Variants in OSR2 observed in about 807,000 individuals in gnomAD.
OSR2 encodes the protein protein odd-skipped-related 2.
Under a neutral mutation model 22.3 loss-of-function variants are expected in OSR2, and 8 were observed. That is an observed-to-expected ratio of 0.36 (90% CI 0.21 to 0.65). OSR2 has a LOEUF of 0.65. Among genes scored for constraint, OSR2 ranks in the 30% least tolerant of loss-of-function variants. The probability of loss-of-function intolerance (pLI) is 0.66; values close to 1 mark genes in which losing one functional copy is unlikely to be tolerated. For synonymous variants in OSR2, 179 were observed against 173.8 expected (o/e 1.03, Z -0.23); for missense variants, 311 against 413.4 (o/e 0.75, Z 2.15).
Position 98,949,040 on chromosome 8 carries a change from T to C in OSR2, c.88T>C (p.Phe30Leu). The C allele has an allele frequency of 6.2e-7, 1 of 1,613,912 alleles. No individual in the cohort carries two copies. Among genetic ancestry groups the C allele is most frequent in the Non-Finnish European group, 8.5e-7 (1 of 1,179,866 alleles). ...CTCCTTCCTGCAGGCCGTGAACACC[T>C]TCCCGGCCACGGTGGACCACCTGCA... ...NYSFLQAVNT[F>L]PATVDHLQGL... Residue 30 changes from phenylalanine to leucine, a missense_variant, in exon 2 of 4, where the codon TTC (phenylalanine) becomes CTC (leucine). Phe to Leu is a conservative substitution (Grantham distance 22). This residue lies in a region of OSR2 where 146 missense variants were observed against 160.5 expected (regional missense o/e 0.91). Transcript: ENST00000297565. The surrounding 1 kb of genome is among the most constrained non-coding windows in gnomAD (Gnocchi z 5.9).
At chr8:98,950,564 G>T (rs1840754039) in intron 2 of OSR2, 92 bp from the exon 3 acceptor site, 2 of 761,050 alleles carry the variant, frequency 2.6e-6, no homozygotes, top group African/African-American at 1.8e-5. Flanking sequence ...TGTTTCTTTT[G>T]TTCTTCCACG....
In OSR2 at chr8:98,949,186, C is replaced by T. The variant is rs762662218; in HGVS notation, c.234C>T (p.Leu78=). The change falls in exon 2 of 4, where the codon CTC becomes CTT. Residue 78 remains leucine, a synonymous_variant. Coordinates refer to ENST00000297565, the MANE Select transcript of OSR2 (RefSeq NM_001142462.3). The surrounding 1 kb of genome is among the most constrained non-coding windows in gnomAD (Gnocchi z 5.9). ...CGGAGATGGCGGCGGCGCAGGGCCT[C>T]GTGGACGCGCGCTTCCCCTTCCCGG... ...TITEMAAAQG[L]VDARFPFPAL... is the part of the protein sequence containing the mutation. 3 of 1,594,550 alleles carry T rather than the reference C, an allele frequency of 1.9e-6. No homozygotes were observed. The highest frequency in any genetic ancestry group is 1.7e-6 in the Non-Finnish European group (2 of 1,169,958).
rs1840793367 is a variant in OSR2 at position 98,951,840 on chromosome 8, G to T, written c.*139G>T. ...GCTGCAGCCGCACCTGCAGCTCCAGGGAGTTAACTCTTCTTCTGGGGGACT... is the reference window on the plus strand; with the variant it reads ...GCTGCAGCCGCACCTGCAGCTCCAGTGAGTTAACTCTTCTTCTGGGGGACT... On this transcript the variant is annotated 3_prime_UTR_variant, in exon 4 of 4. Transcript: ENST00000297565. 3.8e-6 allele frequency: 3 copies of T among 780,410 alleles called. No individual in the cohort carries two copies. In the East Asian group the frequency reaches 8.1e-5, roughly 21 times the overall value. The allele number at this position is 780,410 out of a possible 1,614,324, so 48.3% of individuals were successfully genotyped here. A position where few individuals can be genotyped will look rare whatever the true frequency, so the allele number is the denominator to read the frequency against.
chr8:98,947,223 G>C (rs1587888085), intron 1 of OSR2, among the ~76,000 whole-genome samples: 2 of 151,710 alleles, frequency 1.3e-5, no homozygotes, highest in Non-Finnish European at 2.9e-5. Flanking sequence ...AAGCAGAAGC[G>C]ATTCGTTAAT....
At chr8:98,950,628 T>C (rs1840755729) in intron 2 of OSR2, 28 bp from the exon 3 acceptor site, 2 of 1,482,816 alleles carry the variant, frequency 1.3e-6, no homozygotes, top group Non-Finnish European at 9.3e-7. Flanking sequence ...GCAAAGTTAT[T>C]TCAATGAAAC....
chr8:98,946,767 C>T (rs892788964), intron 1 of OSR2, among the ~76,000 whole-genome samples: 4 of 152,250 alleles, frequency 2.6e-5, no homozygotes, highest in African/African-American at 4.8e-5. Flanking sequence ...GCCCGCTCCC[C>T]CCTCCCCAAC....
chr8:98,948,276 G>C lies in OSR2; in HGVS notation c.-114-563G>C. 6.6e-7 allele frequency: 1 copy of C among 1,515,944 alleles called. No individual in the cohort carries two copies. The highest frequency in any genetic ancestry group is 8.8e-7 in the Non-Finnish European group (1 of 1,135,056). 93.9% of individuals were successfully genotyped at this position (1,515,944 alleles called of 1,614,324 possible). A position where few individuals can be genotyped will look rare whatever the true frequency, so the allele number is the denominator to read the frequency against. On this transcript the variant is annotated intron_variant, in intron 1 of 3. Coordinates refer to ENST00000297565, the MANE Select transcript of OSR2 (RefSeq NM_001142462.3). The surrounding 1 kb of genome is among the most constrained non-coding windows in gnomAD (Gnocchi z 6.0). ...CTGGCCCAGGAGGATGAAGCGCGCC[G>C]GCTTCGCTCTTGCACGCCGGCTTGC...
chr8:98,951,467 G>T, intron 3 of OSR2, 52 bp from the exon 4 acceptor site: 1 of 1,487,382 alleles, frequency 6.7e-7, no homozygotes, highest in Non-Finnish European at 9.1e-7. Context: ...ATTGAAAAGG[G>T]TGCAGTGGTG....
rs1587889391 is a variant in OSR2 at position 98,948,325 on chromosome 8, C to T, written c.-114-514C>T. The T allele has an allele frequency of 1.3e-6, 2 of 1,523,724 alleles. No homozygotes were observed. The highest frequency in any genetic ancestry group is 2.5e-5 in the East Asian group (1 of 40,274). 94.4% of individuals were successfully genotyped at this position (1,523,724 alleles called of 1,614,324 possible). On this transcript the variant is annotated intron_variant, in intron 1 of 3. Transcript: ENST00000297565. The surrounding 1 kb of genome is among the most constrained non-coding windows in gnomAD (Gnocchi z 6.0). ...GCCATCCGGGTAAGCGCGGGAAAGG[C>T]GGCCACAGGGCGCGGCGGCAGCGCA...
rs1360815697 is a variant in OSR2 at position 98,948,219 on chromosome 8, TGCGGGGCGAGGTGA to T, written c.-114-617_-114-604del. The T allele has an allele frequency of 6.9e-7, 1 of 1,459,432 alleles. No individual in the cohort carries two copies. Among genetic ancestry groups the T allele is most frequent in the Admixed American group, 2.6e-5 (1 of 38,998 alleles). 90.4% of individuals were successfully genotyped at this position (1,459,432 alleles called of 1,614,324 possible). A position where few individuals can be genotyped will look rare whatever the true frequency, so the allele number is the denominator to read the frequency against. Reference sequence around the variant, plus strand: ...GGAAAAAGAAAACCTCCGAGGTCAGTGCGGGGCGAGGTGAGCCCCTCCCAGGGCCCTCTGGCCCA... The same window carrying T: ...GGAAAAAGAAAACCTCCGAGGTCAGTGCCCCTCCCAGGGCCCTCTGGCCCA... On this transcript the variant is annotated intron_variant, in intron 1 of 3. Coordinates refer to ENST00000297565, the MANE Select transcript of OSR2 (RefSeq NM_001142462.3). This position sits in a 1 kb window ranked among gnomAD's most constrained non-coding sequence, Gnocchi z 6.0.
At chr8:98,951,429 C>A in intron 3 of OSR2, 90 bp from the exon 4 acceptor site, 2 of 1,238,740 alleles carry the variant, frequency 1.6e-6, no homozygotes. Context: ...GTTATGTTAA[C>A]GCTTGTGATA....
chr8:98,949,275 C>G lies in OSR2; in HGVS notation c.323C>G (p.Ala108Gly), dbSNP rs777273417. 6.2e-7 allele frequency: 1 copy of G among 1,612,816 alleles called. No individual in the cohort carries two copies. The highest frequency in any genetic ancestry group is 1.7e-5 in the Admixed American group (1 of 59,922). Residue 108 changes from alanine (A) to glycine (G), a missense_variant, in exon 2 of 4, where the codon GCC becomes GGC. Physicochemically the swap from Ala to Gly is moderately conservative, Grantham distance 60. Transcript: ENST00000297565. The surrounding 1 kb of genome is among the most constrained non-coding windows in gnomAD (Gnocchi z 5.9). ...KQGAIAHVLP[A>G]LHKDRPRFDF... ...GGGGCCATTGCCCACGTCCTCCCAG[C>G]CCTGCACAAGGACCGGCCCCGTTTT... is the stretch of plus-strand genomic sequence containing the variant.
chr8:98,951,329 C>T (rs1840774325), intron 3 of OSR2, among the ~76,000 whole-genome samples, 190 bp from the exon 4 acceptor site: 1 of 152,166 alleles, frequency 6.6e-6, no homozygotes, highest in Non-Finnish European at 1.5e-5. Flanking sequence ...AATCGGGCCT[C>T]TGTGTATGCC....
intron 1 of OSR2, among the ~76,000 whole-genome samples, chr8:98,946,996 G>A (rs1189298611): frequency 6.6e-6 from 1 of 151,994 alleles, no homozygotes; most frequent in African/African-American, 2.4e-5. Flanking sequence ...AATTGAAAGG[G>A]AAATAATCAG....
rs767390656 is a variant in OSR2, at chr8:98,948,861, C to T, written c.-92C>T. The T allele has an allele frequency of 6.5e-5, 105 of 1,608,754 alleles. 1 individual carries two copies. Among genetic ancestry groups the T allele is most frequent in the Middle Eastern group, 3.3e-4 (2 of 6,070 alleles). On this transcript the variant is annotated 5_prime_UTR_variant, in exon 2 of 4. Transcript: ENST00000297565. This position sits in a 1 kb window ranked among gnomAD's most constrained non-coding sequence, Gnocchi z 6.0. ...TAGGGCTTTCTCTACGTGCTGTTGT[C>T]TCACTGGGTTTTTGTCGGAGCCCCA...
chr8:98,950,732 G>A lies in OSR2; in HGVS notation c.733G>A (p.Val245Ile). 6.2e-7 allele frequency: 1 copy of A among 1,612,472 alleles called. No homozygotes were observed. Among genetic ancestry groups the A allele is most frequent in the South Asian group, 1.1e-5 (1 of 90,710 alleles). ...ATTTTGTCAGTCTAGAACTCTAGCA[G>A]TTCACAAAACTTTACACATGCAGGT... ...KGFCQSRTLA[V>I]HKTLHMQESP... Residue 245 changes from valine to isoleucine, a missense_variant, in exon 3 of 4, where the codon GTT (valine) becomes ATT (isoleucine). Transcript: ENST00000297565.
Position 98,948,731 on chromosome 8 carries a change from G to T in OSR2, c.-114-108G>T. Reference sequence around the variant, plus strand: ...CGGCTTTCGGGGGGTCTTGGAGTCGGGTGGGGAGGGAGACTTAGGTGTGGT... The same window carrying T: ...CGGCTTTCGGGGGGTCTTGGAGTCGTGTGGGGAGGGAGACTTAGGTGTGGT... On this transcript the variant is annotated intron_variant, in intron 1 of 3. Coordinates refer to ENST00000297565, the MANE Select transcript of OSR2 (RefSeq NM_001142462.3). The surrounding 1 kb of genome is among the most constrained non-coding windows in gnomAD (Gnocchi z 6.0). The T allele has an allele frequency of 7.5e-7, 1 of 1,325,468 alleles. No homozygotes were observed. The highest frequency in any genetic ancestry group is 1.0e-6 in the Non-Finnish European group (1 of 995,202). 82.1% of individuals were successfully genotyped at this position (1,325,468 alleles called of 1,614,324 possible).
chr8:98,947,381 G>A (rs1426769710), intron 1 of OSR2, among the ~76,000 whole-genome samples: 2 of 151,812 alleles, frequency 1.3e-5, no homozygotes, highest in African/African-American at 4.8e-5. Context: ...ACGCGCTGGA[G>A]AGGACAAGTC....
Position 98,948,034 on chromosome 8 carries a change from T to G in OSR2, c.-114-805T>G. On this transcript the variant is annotated intron_variant, in intron 1 of 3. Coordinates refer to ENST00000297565, the MANE Select transcript of OSR2 (RefSeq NM_001142462.3). This position sits in a 1 kb window ranked among gnomAD's most constrained non-coding sequence, Gnocchi z 6.0. ...CGTTCTCCGCCCCCACCCCACCCCC[T>G]GGGAGCCTGAACCATCTGGAAGGGA... 1.9e-6 allele frequency: 2 copies of G among 1,049,526 alleles called. No homozygotes were observed. Among genetic ancestry groups the G allele is most frequent in the Non-Finnish European group, 2.5e-6 (2 of 807,998 alleles). 65.0% of individuals were successfully genotyped at this position (1,049,526 alleles called of 1,614,324 possible). A position where few individuals can be genotyped will look rare whatever the true frequency, so the allele number is the denominator to read the frequency against.
Sources: gnomAD v4.1 joint callset for allele counts (sites outside exome capture counted in the v4.1 genomes callset) on GRCh38, gnomAD v4.1.1 for gene constraint, gnomAD v4.1.1 regional missense constraint, Gnocchi (gnomAD v3.1) non-coding constraint, MANE v1.5 for transcripts, NCBI Gene and HGNC (gene_info 2026-07-23, HGNC 2026-07-21) for gene names.